FOXN3: variants seen among roughly 807,000 people sequenced by gnomAD.
The protein encoded by FOXN3 is forkhead box N3, also known as forkhead box protein N3.
Under a neutral mutation model 38.4 loss-of-function variants are expected in FOXN3, and 7 were observed. The ratio of observed to expected loss-of-function variants is 0.18; its 90% CI spans 0.10 to 0.34. FOXN3 has a LOEUF of 0.34. FOXN3 is among the 10% of genes least tolerant of loss of function. FOXN3 has a pLI of 1.00. For missense variants in FOXN3, 456 were observed against 613.4 expected (o/e 0.74, Z 2.71); for synonymous variants, 230 against 242.2 (o/e 0.95, Z 0.47).
At position 89,462,832 on chromosome 14, in the gene FOXN3, C is replaced by A. The variant is rs181250312; in HGVS notation, c.-14-50342G>T. 1.3e-4 allele frequency among the ~76,000 whole-genome samples: 19 copies of A among 151,690 alleles called. No individual in the cohort carries two copies. In the East Asian group the frequency reaches 3.2e-3, roughly 25 times the overall value. On this transcript the variant is annotated intron_variant, in intron 1 of 6. Transcript: ENST00000345097. ...CCTGAGTAGCTGGGACTACAGGCGC[C>A]CGCCACCACGCCCAGCTAATTTTTT...
intron 5 of FOXN3, among the ~76,000 whole-genome samples, chr14:89,176,989 A>ATCTC (rs1031731330): frequency 4.1e-5 from 6 of 147,038 alleles, no homozygotes; most frequent in Middle Eastern, 3.5e-3. Context: ...TTTACTGGTT[A>ATCTC]TCTCTCTCTC....
At chr14:89,307,125 G>C (rs1373443063) in intron 3 of FOXN3, among the ~76,000 whole-genome samples, 1 of 152,194 alleles carries the variant, frequency 6.6e-6, no homozygotes, top group Non-Finnish European at 1.5e-5. Context: ...AACCTAGGTT[G>C]CTCTGAGTGT....
intron 1 of FOXN3, among the ~76,000 whole-genome samples, chr14:89,606,124 C>T (rs1454002328): frequency 6.6e-6 from 1 of 152,082 alleles, no homozygotes; most frequent in African/African-American, 2.4e-5. Context: ...TATAAACAAT[C>T]ATTATGCCTC....
intron 1 of FOXN3, chr14:89,494,162 C>G (rs1448905411): frequency 6.6e-6 from 1 of 152,118 alleles, no homozygotes; most frequent in Non-Finnish European, 1.5e-5. Flanking sequence ...TCCACTGATG[C>G]GATATCAGAA....
intron 4 of FOXN3, among the ~76,000 whole-genome samples, chr14:89,215,746 C>T (rs1285488003): frequency 6.6e-6 from 1 of 152,186 alleles, no homozygotes; most frequent in African/African-American, 2.4e-5. Context: ...TGCAGTGTGG[C>T]AGTCAGGAGA....
In FOXN3 at chr14:89,375,265, GTA is replaced by G. The variant is rs1271343325; in HGVS notation, c.544-24459_544-24458del. Among the ~76,000 whole-genome samples, 4 of 152,272 alleles carry G rather than the reference GTA, an allele frequency of 2.6e-5. No individual in the cohort carries two copies. The East Asian group carries it at 7.7e-4, about 29-fold the overall frequency. Reference sequence around the variant, plus strand: ...CACTAATCCCTCTGTTCATCGTCAAGTATATGTTGTTATTATATGTAAATTAT... The same window carrying G: ...CACTAATCCCTCTGTTCATCGTCAAGTATGTTGTTATTATATGTAAATTAT... On this transcript the variant is annotated intron_variant, in intron 2 of 5. Coordinates refer to ENST00000557258, the MANE Select transcript of FOXN3 (RefSeq NM_005197.4).
chr14:89,395,505 G>A (rs1891077397), intron 2 of FOXN3, among the ~76,000 whole-genome samples: 1 of 152,056 alleles, frequency 6.6e-6, no homozygotes, highest in Non-Finnish European at 1.5e-5. Context: ...CTCCTGCCCA[G>A]CACAGCATCT....
chr14:89,505,539 G>A (rs1216637466), intron 1 of FOXN3, among the ~76,000 whole-genome samples: 1 of 152,202 alleles, frequency 6.6e-6, no homozygotes, highest in Non-Finnish European at 1.5e-5. Flanking sequence ...GGCCTCCCGA[G>A]GTGCCGGGAT....
At chr14:89,345,592 G>T (rs746570808) in intron 3 of FOXN3, among the ~76,000 whole-genome samples, 7 of 152,044 alleles carry the variant, frequency 4.6e-5, no homozygotes, top group Non-Finnish European at 1.0e-4. Context: ...TCACCCCATA[G>T]ATAGTCTTTT....
intron 3 of FOXN3, chr14:89,290,650 G>T: frequency 2.2e-6 from 1 of 461,978 alleles, no homozygotes; most frequent in Admixed American, 2.7e-5. Context: ...TTGAACACGG[G>T]TGCATGTTGC....
At chr14:89,529,766 G>A (rs982310008) in intron 1 of FOXN3, among the ~76,000 whole-genome samples, 1 of 152,034 alleles carries the variant, frequency 6.6e-6, no homozygotes, top group African/African-American at 2.4e-5. Context: ...CTTTAACTGG[G>A]CATGATGGCA....
intron 4 of FOXN3, among the ~76,000 whole-genome samples, chr14:89,192,420 T>C (rs1293428613): frequency 7.0e-6 from 1 of 143,594 alleles, no homozygotes; most frequent in East Asian, 2.0e-4. Context: ...TTTATAATAG[T>C]TGTAATAGTT....
At chr14:89,333,455 G>GAAC (rs1378962488) in intron 3 of FOXN3, among the ~76,000 whole-genome samples, 1 of 148,632 alleles carries the variant, frequency 6.7e-6, no homozygotes, top group Non-Finnish European at 1.5e-5. Context: ...CTATTACGAA[G>GAAC]AACAGTATGG....
chr14:89,186,416 C>T (rs965412926), intron 4 of FOXN3, among the ~76,000 whole-genome samples: 2 of 152,086 alleles, frequency 1.3e-5, no homozygotes, highest in Non-Finnish European at 2.9e-5. Context: ...GATCTGGCTT[C>T]TCCTGACTAA....
intron 2 of FOXN3, among the ~76,000 whole-genome samples, chr14:89,399,432 A>G (rs1891189833): frequency 3.3e-5 from 5 of 152,198 alleles, no homozygotes. Flanking sequence ...GGCACTTCCA[A>G]TGGCCGTGGA....
At chr14:89,288,946 C>T (rs542599309) in intron 3 of FOXN3, among the ~76,000 whole-genome samples, 109 of 151,058 alleles carry the variant, frequency 7.2e-4, no homozygotes, top group Admixed American at 4.0e-3. Context: ...AGTTGGGAGG[C>T]GCAAGTGGGC....
At position 89,390,556 on chromosome 14, in the gene FOXN3, C is replaced by T. The variant is rs58701359; in HGVS notation, c.543+21378G>A. On this transcript the variant is annotated intron_variant, in intron 2 of 5. Coordinates refer to ENST00000557258, the MANE Select transcript of FOXN3 (RefSeq NM_005197.4). ...ACAATTAGCTTTTTCTTCAAACTGA[C>T]GAGCAGTATCATTTAGTAGTGGCTA... is the stretch of plus-strand genomic sequence containing the variant. 3.4e-3 allele frequency among the ~76,000 whole-genome samples: 510 copies of T among 148,654 alleles called. 2 individuals are homozygous for T. Among genetic ancestry groups the T allele is most frequent in the African/African-American group, 0.012 (489 of 40,476 alleles).
chr14:89,173,955 T>C (rs1010403838), intron 5 of FOXN3, among the ~76,000 whole-genome samples: 4 of 152,148 alleles, frequency 2.6e-5, no homozygotes, highest in African/African-American at 9.7e-5. Flanking sequence ...ATTGTGCCAC[T>C]GCATTCTGGT....
chr14:89,568,845 G>GAA (rs1443038132), intron 1 of FOXN3, among the ~76,000 whole-genome samples: 1 of 152,224 alleles, frequency 6.6e-6, no homozygotes. Flanking sequence ...ATTTACACAT[G>GAA]GTTTGGATCA....
Sources: allele counts gnomAD v4.1 joint callset (sites outside exome capture counted in the v4.1 genomes callset), GRCh38; gene constraint gnomAD v4.1.1; transcripts MANE v1.5; gene names NCBI Gene and HGNC (gene_info 2026-07-23, HGNC 2026-07-21).